CSMD1: variants seen among roughly 807,000 people sequenced by gnomAD.
The protein encoded by CSMD1 is CUB and Sushi multiple domains 1, also known as CUB and sushi domain-containing protein 1.
A neutral mutation model predicts 417.5 loss-of-function variants in CSMD1; 213 were observed. The ratio of observed to expected loss-of-function variants is 0.51; its 90% CI spans 0.46 to 0.57. The LOEUF (loss-of-function observed/expected upper bound fraction) is 0.57. Ranked by LOEUF, CSMD1 falls within the 20% of genes least tolerant of loss-of-function variation. The pLI is 0.00. For synonymous variants in CSMD1, 2,862 were observed against 1,736.8 expected, an observed-to-expected ratio of 1.65 and a Z score of -16.11; for missense variants, 6,923 against 4,529.7, an observed-to-expected ratio of 1.53 and a Z score of -15.17.
At chr8:4,119,907 G>C (rs1027299022) in intron 3 of CSMD1, among the ~76,000 whole-genome samples, 10 of 152,162 alleles carry the variant, frequency 6.6e-5, no homozygotes, top group African/African-American at 2.4e-4. Flanking sequence ...AGTCTGGTAA[G>C]GGTAGTGGGA....
At chr8:3,343,646 C>G (rs1187902024) in intron 22 of CSMD1, among the ~76,000 whole-genome samples, 196 bp from the exon 23 acceptor site, 1 of 152,152 alleles carries the variant, frequency 6.6e-6, no homozygotes, top group Non-Finnish European at 1.5e-5. Flanking sequence ...ACCATTAACA[C>G]TGGAGGCAAA....
chr8:2,938,320 C>G lies in CSMD1; in HGVS notation c.*265G>C. 2.5e-6 allele frequency: 1 copy of G among 407,116 alleles called. No homozygotes were observed. Among genetic ancestry groups the G allele is most frequent in the African/African-American group, 2.0e-5 (1 of 49,092 alleles). The allele number at this position is 407,116 out of a possible 1,614,324, so 25.2% of individuals were successfully genotyped here. A position where few individuals can be genotyped will look rare whatever the true frequency, so the allele number is the denominator to read the frequency against. On this transcript the variant is annotated 3_prime_UTR_variant, in exon 70 of 70. Coordinates refer to ENST00000635120, the MANE Select transcript of CSMD1 (RefSeq NM_033225.6). ...TGACGTGTTGGCGCGACGTGGCAGT[C>G]TTCCTGGAGTGTGCCTTGATTTCAT...
intron 1 of CSMD1, among the ~76,000 whole-genome samples, chr8:4,990,447 T>C (rs893342029): frequency 1.3e-5 from 2 of 152,012 alleles, no homozygotes; most frequent in Admixed American, 1.3e-4. Context: ...TACTGCAACC[T>C]CCACCTCCCG....
chr8:4,156,613 T>A (rs140873019), intron 3 of CSMD1, among the ~76,000 whole-genome samples: 1 of 152,072 alleles, frequency 6.6e-6, no homozygotes, highest in African/African-American at 2.4e-5. Context: ...TTAAAAACAA[T>A]GGGAAACAGT....
At chr8:4,753,338 G>C (rs750405368) in intron 1 of CSMD1, among the ~76,000 whole-genome samples, 3 of 151,608 alleles carry the variant, frequency 2.0e-5, no homozygotes, top group Non-Finnish European at 4.4e-5. Context: ...GGCTAGCACT[G>C]TCTGCTTTCA....
Position 3,029,499 on chromosome 8 carries a change from T to C in CSMD1, c.7675A>G (p.Ser2559Gly). Residue 2559 changes from serine to glycine, a missense_variant, in exon 51 of 70, where the codon AGC (serine) becomes GGC (glycine). Ser to Gly is a moderately conservative substitution (Grantham distance 56). Coordinates refer to ENST00000635120, the MANE Select transcript of CSMD1 (RefSeq NM_033225.6). ...PPTCKPVACP[S>G]IEAQLSEHVI... ...TGTTCTGAGAGCTGAGCTTCAATGC[T>C]GGGGCAAGCGACCGCTGGAAGGGAA... The C allele has an allele frequency of 6.3e-7, 1 of 1,598,372 alleles. No homozygotes were observed.
In CSMD1 at chr8:4,716,794, C is replaced by T. The variant is rs566614572; in HGVS notation, c.86-79236G>A. Among the ~76,000 whole-genome samples, 27 of 152,222 alleles carry T rather than the reference C, an allele frequency of 1.8e-4. No homozygotes were observed. The South Asian group carries it at 5.6e-3, about 32-fold the overall frequency. On this transcript the variant is annotated intron_variant, in intron 1 of 69. Transcript: ENST00000635120. Reference sequence around the variant, plus strand: ...TGGCAGGAAAGAAATCAGTGTCTCGCCTTTTTCCTTGCCATTTTCAAACAT... The same window carrying T: ...TGGCAGGAAAGAAATCAGTGTCTCGTCTTTTTCCTTGCCATTTTCAAACAT...
intron 10 of CSMD1, among the ~76,000 whole-genome samples, chr8:3,514,997 C>G (rs1305273654): frequency 6.6e-6 from 1 of 152,140 alleles, no homozygotes; most frequent in Admixed American, 6.5e-5. Context: ...ACATTTTATA[C>G]TGAAATTAAA....
At chr8:4,599,371 T>G (rs916392373) in intron 2 of CSMD1, among the ~76,000 whole-genome samples, 1 of 152,154 alleles carries the variant, frequency 6.6e-6, no homozygotes, top group African/African-American at 2.4e-5. Flanking sequence ...AGAATTTTTT[T>G]TTTTTCCTTA....
intron 2 of CSMD1, among the ~76,000 whole-genome samples, chr8:4,451,394 A>C (rs962359816): frequency 1.3e-5 from 2 of 152,200 alleles, no homozygotes; most frequent in Admixed American, 1.3e-4. Context: ...ATAATTATTG[A>C]ACATGTGCTA....
intron 6 of CSMD1, among the ~76,000 whole-genome samples, chr8:3,733,090 C>G (rs1157929021): frequency 2.0e-5 from 3 of 151,310 alleles, no homozygotes; most frequent in Non-Finnish European, 4.4e-5. Flanking sequence ...GTGACACAAA[C>G]TTTACCAACA....
At position 4,338,723 on chromosome 8, in the gene CSMD1, G is replaced by A. The variant is rs386473362; in HGVS notation, c.415+81230C>T. Reference sequence around the variant, plus strand: ...GTTCTACAAGTATTTTTTTAACTCAGATTTTTTTCGCCTAATTCATAAGCG... The same window carrying A: ...GTTCTACAAGTATTTTTTTAACTCAAATTTTTTTCGCCTAATTCATAAGCG... On this transcript the variant is annotated intron_variant, in intron 3 of 69. Transcript: ENST00000635120. Among the ~76,000 whole-genome samples, 712 of 152,106 alleles carry A rather than the reference G, an allele frequency of 4.7e-3. 3 individuals carry two copies. Among genetic ancestry groups the A allele is most frequent in the South Asian group, 9.3e-3 (45 of 4,822 alleles).
intron 5 of CSMD1, among the ~76,000 whole-genome samples, chr8:3,982,867 G>A (rs903480530): frequency 6.6e-6 from 1 of 152,180 alleles, no homozygotes; most frequent in East Asian, 1.9e-4. Context: ...CAAGGACAAA[G>A]CTAAACCATT....
intron 4 of CSMD1, among the ~76,000 whole-genome samples, chr8:4,030,680 G>A (rs1424630702): frequency 6.6e-6 from 1 of 152,158 alleles, no homozygotes; most frequent in Non-Finnish European, 1.5e-5. Flanking sequence ...TTGGCTTCTT[G>A]TTACTTATAC....
intron 3 of CSMD1, among the ~76,000 whole-genome samples, chr8:4,150,107 G>C (rs943671718): frequency 2.0e-5 from 3 of 152,126 alleles, no homozygotes; most frequent in Non-Finnish European, 4.4e-5. Context: ...TTAAGGGAGT[G>C]TATTTTCCAC....
intron 5 of CSMD1, among the ~76,000 whole-genome samples, chr8:3,897,268 T>A (rs577656454): frequency 6.6e-6 from 1 of 152,152 alleles, no homozygotes; most frequent in Non-Finnish European, 1.5e-5. Flanking sequence ...ATAGTGTGAC[T>A]AGCAATTTTA....
intron 5 of CSMD1, among the ~76,000 whole-genome samples, chr8:3,892,537 TA>T (rs1807048534): frequency 2.3e-3 from 2 of 884 alleles, no homozygotes; most frequent in Non-Finnish European, 3.6e-3. Flanking sequence ...TTTGCAAAAA[TA>T]ATAATAATAA....
At chr8:3,615,907 G>A (rs1052136391) in intron 8 of CSMD1, among the ~76,000 whole-genome samples, 2 of 152,014 alleles carry the variant, frequency 1.3e-5, no homozygotes, top group African/African-American at 2.4e-5. Flanking sequence ...TGAAATAAGT[G>A]CAAAAATCTA....
intron 3 of CSMD1, among the ~76,000 whole-genome samples, chr8:4,404,842 G>T (rs1267348505): frequency 6.6e-6 from 1 of 151,940 alleles, no homozygotes; most frequent in Non-Finnish European, 1.5e-5. Context: ...ACAACAACAG[G>T]CCCTTACACT....
Sources: allele counts gnomAD v4.1 joint callset (sites outside exome capture counted in the v4.1 genomes callset), GRCh38; gene constraint gnomAD v4.1.1; transcripts MANE v1.5; gene names NCBI Gene and HGNC (gene_info 2026-07-23, HGNC 2026-07-21).